NAALADL2: variants seen among roughly 807,000 people sequenced by gnomAD.
The protein encoded by NAALADL2 is inactive N-acetylated-alpha-linked acidic dipeptidase-like protein 2.
In NAALADL2, 76 loss-of-function variants were observed where a neutral mutation model predicts 87.2. The ratio of observed to expected loss-of-function variants is 0.87; its 90% confidence interval spans 0.72 to 1.05. NAALADL2 has a LOEUF of 1.05. Ranked by LOEUF, NAALADL2 falls within the 50% of genes least tolerant of loss-of-function variation. The pLI, the probability that NAALADL2 is intolerant of heterozygous loss-of-function variation, is 0.00. For synonymous variants in NAALADL2, 354 were observed against 331.0 expected (o/e 1.07, Z -0.75); for missense variants, 1,089 against 945.8 (o/e 1.15, Z -1.99).
intron 1 of NAALADL2, among the ~76,000 whole-genome samples, chr3:175,014,496 C>A (rs1750564374): frequency 2.6e-5 from 4 of 151,890 alleles, no homozygotes. Context: ...TAATGTATTC[C>A]CAGTACATAG....
At chr3:175,313,582 G>C (rs1006547001) in intron 4 of NAALADL2, among the ~76,000 whole-genome samples, 4 of 152,252 alleles carry the variant, frequency 2.6e-5, no homozygotes, top group African/African-American at 9.6e-5. Context: ...AGGGTGAGAA[G>C]GCAATTTAGG....
chr3:174,903,985 T>A (rs71310600), intron 1 of NAALADL2, among the ~76,000 whole-genome samples: 29,098 of 127,724 alleles, frequency 0.23, 2,945 homozygotes, highest in East Asian at 0.3. Context: ...CTATATCTAT[T>A]TCTATATCTA....
chr3:175,049,380 C>T (rs1755076383), intron 1 of NAALADL2, among the ~76,000 whole-genome samples: 1 of 151,936 alleles, frequency 6.6e-6, no homozygotes, highest in Non-Finnish European at 1.5e-5. Flanking sequence ...CTGTAGGTAA[C>T]TGAAACCAGG....
At chr3:175,337,205 C>T (rs1762072646) in intron 5 of NAALADL2, among the ~76,000 whole-genome samples, 2 of 148,578 alleles carry the variant, frequency 1.3e-5, no homozygotes, top group Admixed American at 1.3e-4. Context: ...TCAAAAGAGT[C>T]TTGGTTGGTC....
chr3:174,696,593 TAAAAAAAAAAAA>T (rs62946360), intron 2 of NAALADL2, among the ~76,000 whole-genome samples: 2 of 110,524 alleles, frequency 1.8e-5, no homozygotes, highest in Non-Finnish European at 3.7e-5. Context: ...TGTAGTTATC[TAAAAAAAAAAAA>T]AAAAAAAAAA....
intron 11 of NAALADL2, among the ~76,000 whole-genome samples, chr3:175,728,706 A>G (rs1213003996): frequency 6.6e-6 from 1 of 152,194 alleles, no homozygotes; most frequent in Non-Finnish European, 1.5e-5. Flanking sequence ...GACTCTTGCC[A>G]GGCTATGATT....
intron 6 of NAALADL2, among the ~76,000 whole-genome samples, chr3:175,459,855 T>C (rs1465170668): frequency 6.6e-6 from 1 of 152,178 alleles, no homozygotes; most frequent in Non-Finnish European, 1.5e-5. Flanking sequence ...TCATAGTTTG[T>C]TCATAATCAT....
At chr3:174,695,645 A>G (rs1728951374) in intron 2 of NAALADL2, among the ~76,000 whole-genome samples, 1 of 152,090 alleles carries the variant, frequency 6.6e-6, no homozygotes, top group African/African-American at 2.4e-5. Flanking sequence ...GGAGCATACA[A>G]TGCTGGAATA....
At chr3:175,615,427 T>C (rs1255695200) in intron 10 of NAALADL2, among the ~76,000 whole-genome samples, 6 of 152,214 alleles carry the variant, frequency 3.9e-5, no homozygotes, top group African/African-American at 1.4e-4. Context: ...TATTGTGTCC[T>C]GAAATCCCTA....
intron 5 of NAALADL2, among the ~76,000 whole-genome samples, chr3:175,402,310 A>G (rs1027292386): frequency 3.9e-5 from 6 of 152,046 alleles, no homozygotes; most frequent in African/African-American, 1.4e-4. Context: ...ATCACATTTA[A>G]CATCACAAAT....
At chr3:175,039,367 CA>C (rs1385049229) in intron 1 of NAALADL2, among the ~76,000 whole-genome samples, 1 of 152,088 alleles carries the variant, frequency 6.6e-6, no homozygotes, top group Non-Finnish European at 1.5e-5. Context: ...AGGTTTTTAC[CA>C]TATTGGCCAG....
intron 1 of NAALADL2, among the ~76,000 whole-genome samples, chr3:174,468,622 C>T (rs1390141664): frequency 1.3e-5 from 2 of 151,854 alleles, no homozygotes; most frequent in Non-Finnish European, 2.9e-5. Context: ...CTCAGGTGAT[C>T]TGCCCCTCTT....
At position 175,803,244 on chromosome 3, in the gene NAALADL2, C is replaced by T; in HGVS notation, c.*41C>T. 6.9e-7 allele frequency: 1 copy of T among 1,444,354 alleles called. No homozygotes were observed. Among genetic ancestry groups the T allele is most frequent in the Non-Finnish European group, 9.4e-7 (1 of 1,063,178 alleles). 89.5% of individuals were successfully genotyped at this position (1,444,354 alleles called of 1,614,324 possible). ...TTTTAAAAGTTTGTTTACAATTCCA[C>T]AAGCAAAAGCTCTAATTTAACCAGA... is the stretch of plus-strand genomic sequence containing the variant. On this transcript the variant is annotated 3_prime_UTR_variant, in exon 14 of 14. Coordinates refer to ENST00000454872, the MANE Select transcript of NAALADL2 (RefSeq NM_207015.3).
At chr3:175,113,076 G>T (rs1449370088) in intron 2 of NAALADL2, among the ~76,000 whole-genome samples, 1 of 151,568 alleles carries the variant, frequency 6.6e-6, no homozygotes, top group African/African-American at 2.4e-5. Flanking sequence ...AGTAGATTAG[G>T]ATAATTTCAT....
At chr3:175,465,849 C>A (rs1463435178) in intron 7 of NAALADL2, among the ~76,000 whole-genome samples, 1 of 152,206 alleles carries the variant, frequency 6.6e-6, no homozygotes, top group African/African-American at 2.4e-5. Context: ...CATACTGTGG[C>A]ATTTCTTGTA....
rs944868918 is a variant in NAALADL2 at position 175,097,289 on chromosome 3, C to T, written c.543C>T (p.Phe181=). The change falls in exon 2 of 14, where the codon TTC becomes TTT. Residue 181 remains phenylalanine (F), a splice_region_variant and synonymous_variant. Transcript: ENST00000454872. ...AGGCAGAAGATATTAAGAAGTCTTT[C>T]AGGTAGGTGAAGAAGAAACAGATGT... ...TIQAEDIKKS[F]RNLVQLYKNE... 3.1e-6 allele frequency: 5 copies of T among 1,604,314 alleles called. No homozygotes were observed. Among genetic ancestry groups the T allele is most frequent in the Non-Finnish European group, 4.3e-6 (5 of 1,174,874 alleles).
intron 13 of NAALADL2, among the ~76,000 whole-genome samples, chr3:175,772,448 C>A (rs1398004883): frequency 6.6e-6 from 1 of 152,100 alleles, no homozygotes; most frequent in East Asian, 1.9e-4. Flanking sequence ...CAATTTGTTC[C>A]TGTTTTTGCT....
At chr3:175,098,369 C>T (rs1478422781) in intron 2 of NAALADL2, among the ~76,000 whole-genome samples, 1 of 152,042 alleles carries the variant, frequency 6.6e-6, no homozygotes, top group Non-Finnish European at 1.5e-5. Flanking sequence ...GAAATGCTTC[C>T]ATCAGTGATC....
At chr3:174,738,908 T>C (rs1239291207) in intron 3 of NAALADL2, among the ~76,000 whole-genome samples, 1 of 152,164 alleles carries the variant, frequency 6.6e-6, no homozygotes, top group Non-Finnish European at 1.5e-5. Context: ...CAGTTTAATC[T>C]TTTTTCTGAG....
Sources: gnomAD v4.1 joint callset for allele counts (sites outside exome capture counted in the v4.1 genomes callset) on GRCh38, gnomAD v4.1.1 for gene constraint, MANE v1.5 for transcripts, NCBI Gene and HGNC (gene_info 2026-07-23, HGNC 2026-07-21) for gene names.